Variants in DCBLD1 observed in about 807,000 individuals in gnomAD.
DCBLD1 encodes discoidin, CUB and LCCL domain containing 1.
In DCBLD1, 57 loss-of-function variants were observed where a neutral mutation model predicts 71.5. The ratio of observed to expected loss-of-function variants is 0.80; its 90% confidence interval spans 0.64 to 0.99. DCBLD1 has a LOEUF of 0.99. DCBLD1 is among the 50% of genes least tolerant of loss of function. The pLI, the probability that DCBLD1 is intolerant of heterozygous loss-of-function variation, is 0.00. For synonymous variants in DCBLD1, 380 were observed against 363.8 expected (o/e 1.04, Z -0.51); for missense variants, 891 against 923.5 (o/e 0.96, Z 0.46).
intron 14 of DCBLD1, among the ~76,000 whole-genome samples, chr6:117,546,980 G>C (rs1038622831): frequency 6.6e-6 from 1 of 152,086 alleles, no homozygotes; most frequent in Non-Finnish European, 1.5e-5. Context: ...CTTGCCTCCC[G>C]GCTTTCCTCA....
intron 1 of DCBLD1, among the ~76,000 whole-genome samples, chr6:117,501,666 G>T (rs1161342499): frequency 6.6e-6 from 1 of 152,128 alleles, no homozygotes; most frequent in Non-Finnish European, 1.5e-5. Context: ...CTATAAATTG[G>T]ATATTTTATT....
chr6:117,564,928 A>G (rs1220343961), intron 14 of DCBLD1, among the ~76,000 whole-genome samples: 1 of 152,200 alleles, frequency 6.6e-6, no homozygotes, highest in African/African-American at 2.4e-5. Flanking sequence ...ACAGTTTATC[A>G]GTTCACCATA....
At chr6:117,526,874 G>T (rs536957920) in intron 5 of DCBLD1, among the ~76,000 whole-genome samples, 68 of 152,314 alleles carry the variant, frequency 4.5e-4, no homozygotes, top group African/African-American at 1.6e-3. Context: ...TGGGTTAGGA[G>T]ACTGGACATG....
chr6:117,495,535 G>A (rs887176461), intron 1 of DCBLD1, among the ~76,000 whole-genome samples: 2 of 152,146 alleles, frequency 1.3e-5, no homozygotes, highest in Non-Finnish European at 2.9e-5. Flanking sequence ...TTTTACCTTA[G>A]AGAGGTAAAA....
chr6:117,506,505 T>C (rs1402630877), intron 2 of DCBLD1, among the ~76,000 whole-genome samples: 1 of 152,244 alleles, frequency 6.6e-6, no homozygotes, highest in Non-Finnish European at 1.5e-5. Context: ...TCAGAATTTG[T>C]GTTGTGGCTA....
intron 14 of DCBLD1, 168 bp from the exon 15 acceptor site, chr6:117,547,739 G>A: frequency 7.0e-7 from 1 of 1,426,084 alleles, no homozygotes; most frequent in South Asian, 1.2e-5. Context: ...CTGCCTGCGG[G>A]TGGCTTCTGT....
intron 5 of DCBLD1, among the ~76,000 whole-genome samples, chr6:117,529,280 ATAT>A (rs10563012): frequency 0.4 from 57,788 of 146,186 alleles, 11,750 homozygotes; most frequent in Non-Finnish European, 0.45. Flanking sequence ...TTAAAGCAAG[ATAT>A]TATACGGAGG....
At position 117,548,786 on chromosome 6, in the gene DCBLD1, G is replaced by A. The variant is rs980344070; in HGVS notation, c.*347G>A. 4.5e-6 allele frequency: 5 copies of A among 1,120,842 alleles called. No homozygotes were observed. The highest frequency in any genetic ancestry group is 2.8e-5 in the South Asian group (1 of 35,768). The allele number at this position is 1,120,842 out of a possible 1,614,324, so 69.4% of individuals were successfully genotyped here. On this transcript the variant is annotated 3_prime_UTR_variant, in exon 15 of 15. Coordinates refer to ENST00000338728, the MANE Select transcript of DCBLD1 (RefSeq NM_001366458.2). Reference sequence around the variant, plus strand: ...TTTAACAATAATAAAAGTAACTTAAGTTTGCTCTATCAGATTTTAGTTCTG... The same window carrying A: ...TTTAACAATAATAAAAGTAACTTAAATTTGCTCTATCAGATTTTAGTTCTG...
At chr6:117,533,894 G>A (rs758824564) in intron 6 of DCBLD1, among the ~76,000 whole-genome samples, 21 of 152,162 alleles carry the variant, frequency 1.4e-4, no homozygotes, top group Non-Finnish European at 2.9e-4. Context: ...TTCAGGGGTC[G>A]GGGTGAGAGT....
chr6:117,561,726 C>T (rs952860893), intron 14 of DCBLD1: 5 of 205,364 alleles, frequency 2.4e-5, no homozygotes, highest in Admixed American at 6.0e-5. Context: ...ATATACACTA[C>T]GAAGTGCACT....
chr6:117,495,524 G>C (rs551179520), intron 1 of DCBLD1, among the ~76,000 whole-genome samples: 1 of 152,146 alleles, frequency 6.6e-6, no homozygotes, highest in African/African-American at 2.4e-5. Context: ...ATGGAATTCA[G>C]TTTTACCTTA....
At chr6:117,515,722 C>T (rs1778173486) in intron 2 of DCBLD1, among the ~76,000 whole-genome samples, 1 of 152,186 alleles carries the variant, frequency 6.6e-6, no homozygotes, top group South Asian at 2.1e-4. Flanking sequence ...TTATTCATTA[C>T]AGAAATTTTT....
In DCBLD1 at chr6:117,548,195, C is replaced by T; in HGVS notation, c.1904C>T (p.Ser635Phe). The T allele has an allele frequency of 6.4e-7, 1 of 1,550,462 alleles. No individual in the cohort carries two copies. Among genetic ancestry groups the T allele is most frequent in the Non-Finnish European group, 8.7e-7 (1 of 1,146,946 alleles). Residue 635 changes from serine (S) to phenylalanine (F), a missense_variant, in exon 15 of 15, where the codon TCC becomes TTC. Physicochemically the swap from Ser to Phe is radical, Grantham distance 155. Coordinates refer to ENST00000338728, the MANE Select transcript of DCBLD1 (RefSeq NM_001366458.2). ...CAGCCCGGCCACAAACACTCCCTCT[C>T]CTCGGGCGGCTTCTCCCCCGTAGCG... ...GPQPGHKHSL[S>F]SGGFSPVAGV... is the part of the protein sequence containing the mutation.
chr6:117,523,305 C>A (rs1778444247), intron 4 of DCBLD1, among the ~76,000 whole-genome samples: 1 of 152,168 alleles, frequency 6.6e-6, no homozygotes, highest in Non-Finnish European at 1.5e-5. Flanking sequence ...AGCCCTCATC[C>A]ATAATTATGA....
Position 117,534,070 on chromosome 6 carries a change from C to A in DCBLD1, c.719+1677C>A, listed in dbSNP as rs73512281. On this transcript the variant is annotated intron_variant, in intron 6 of 14. Transcript: ENST00000338728. The stretch of plus-strand genomic sequence containing the variant: ...TGTTCTCTGCCTACCATAACCCTCC[C>A]ATTTACTTTCCCCTTCTGGATAGAT... Among the ~76,000 whole-genome samples the A allele has an allele frequency of 2.8e-3, 422 of 152,308 alleles. 3 individuals are homozygous for A. Among genetic ancestry groups the A allele is most frequent in the African/African-American group, 9.7e-3 (405 of 41,546 alleles).
chr6:117,548,602 T>C lies in DCBLD1; in HGVS notation c.*163T>C, dbSNP rs2114579460. 1 of 1,439,156 alleles carries C rather than the reference T, an allele frequency of 6.9e-7. No homozygotes were observed. Among genetic ancestry groups the C allele is most frequent in the African/African-American group, 1.4e-5 (1 of 69,938 alleles). 89.1% of individuals were successfully genotyped at this position (1,439,156 alleles called of 1,614,324 possible). A position where few individuals can be genotyped will look rare whatever the true frequency, so the allele number is the denominator to read the frequency against. ...GGATCCTAGAGACAACCTGTCATAC[T>C]GTTTACAAAATTGTGCAGCTGGTTT... On this transcript the variant is annotated 3_prime_UTR_variant, in exon 15 of 15. Coordinates refer to ENST00000338728, the MANE Select transcript of DCBLD1 (RefSeq NM_001366458.2).
In DCBLD1 at chr6:117,546,725, AC is replaced by A. The variant is rs1264610430; in HGVS notation, c.1615+1129del. ...CACAGTCTCTCCCCTAAACAGTCCC[AC>A]ACCCTCCCCAACTTCCAGCAGTGCC... On this transcript the variant is annotated intron_variant, in intron 14 of 14. Transcript: ENST00000338728. Among the ~76,000 whole-genome samples, 13 of 151,864 alleles carry A rather than the reference AC, an allele frequency of 8.6e-5. No individual in the cohort carries two copies. The South Asian group carries it at 2.7e-3, about 32-fold the overall frequency.
chr6:117,483,976 G>A (rs1776998122), intron 1 of DCBLD1, among the ~76,000 whole-genome samples: 1 of 152,012 alleles, frequency 6.6e-6, no homozygotes. Flanking sequence ...TTACATACCA[G>A]TTTGTTTAAA....
intron 5 of DCBLD1, among the ~76,000 whole-genome samples, chr6:117,530,083 G>C (rs1048904457): frequency 5.9e-5 from 9 of 152,158 alleles, no homozygotes; most frequent in African/African-American, 2.2e-4. Context: ...CAAGGACAGT[G>C]GGAATAGCTG....
Sources: allele counts gnomAD v4.1 joint callset (sites outside exome capture counted in the v4.1 genomes callset), GRCh38; gene constraint gnomAD v4.1.1; transcripts MANE v1.5; gene names NCBI Gene and HGNC (gene_info 2026-07-23, HGNC 2026-07-21).